The following NCOR2 variants were observed in gnomAD, a reference collection of about 807,000 sequenced individuals.
The protein encoded by NCOR2 is CTG repeat protein 26.
In NCOR2, 81 loss-of-function variants were observed where a neutral mutation model predicts 262.9. The ratio of observed to expected loss-of-function variants is 0.31; its 90% CI spans 0.26 to 0.37. The LOEUF (loss-of-function observed/expected upper bound fraction) is 0.37. NCOR2 is among the 10% of genes least tolerant of loss of function. The pLI is 1.00. For synonymous variants in NCOR2, 1,659 were observed against 1,559.3 expected (o/e 1.06, Z -1.51); for missense variants, 3,385 against 3,621.4 (o/e 0.93, Z 1.68).
Position 124,533,538 on chromosome 12 carries a change from C to T in NCOR2, c.-118+2027G>A, listed in dbSNP as rs369961092. ...GCCTGGTGCTCACCACCAAGAGACCCGCTAAGCGTCGCACTTACTGACTTT... is the reference window on the plus strand; with the variant it reads ...GCCTGGTGCTCACCACCAAGAGACCTGCTAAGCGTCGCACTTACTGACTTT... On this transcript the variant is annotated intron_variant, in intron 1 of 46. Coordinates refer to the NCOR2 transcript ENST00000404621. 3.9e-5 allele frequency among the ~76,000 whole-genome samples: 6 copies of T among 152,220 alleles called. No individual in the cohort carries two copies. The South Asian group carries it at 8.3e-4, about 21-fold the overall frequency.
intron 17 of NCOR2, among the ~76,000 whole-genome samples, chr12:124,381,816 G>A (rs566433774): frequency 3.3e-5 from 5 of 152,326 alleles, no homozygotes; most frequent in African/African-American, 1.2e-4. Context: ...GAGCCCCAGG[G>A]GCCTGAATTC....
At chr12:124,388,326 C>T (rs1475688961) in intron 16 of NCOR2, among the ~76,000 whole-genome samples, 1 of 152,066 alleles carries the variant, frequency 6.6e-6, no homozygotes, top group Non-Finnish European at 1.5e-5. Context: ...TCTGGGAAGC[C>T]CAGGCAGAGG....
upstream of NCOR2, among the ~76,000 whole-genome samples, chr12:124,498,501 C>T (rs974973626): frequency 3.3e-5 from 5 of 152,186 alleles, no homozygotes; most frequent in African/African-American, 1.2e-4. Flanking sequence ...TAACCTCGTG[C>T]CACCCTCACT....
Position 124,344,625 on chromosome 12 carries a change from C to T in NCOR2, c.4686G>A (p.Thr1562=), listed in dbSNP as rs1057059885. 2.7e-6 allele frequency: 4 copies of T among 1,464,140 alleles called. No homozygotes were observed. The South Asian group carries it at 4.2e-5, about 15-fold the overall frequency. 90.7% of individuals were successfully genotyped at this position (1,464,140 alleles called of 1,614,324 possible). A position where few individuals can be genotyped will look rare whatever the true frequency, so the allele number is the denominator to read the frequency against. Residue 1562 remains threonine, a synonymous_variant, in exon 32 of 47, where the codon ACG becomes ACA. Transcript: ENST00000405201. ...CCTGCAGGCGCGGCGTGGGCTCCCG[C>T]GTGGTCACGGGCGAACCTCGTGGGA...
Position 124,471,518 on chromosome 12 carries a change from T to C in NCOR2, c.591+1434A>G, listed in dbSNP as rs140427271. Among the ~76,000 whole-genome samples, 474 of 152,356 alleles carry C rather than the reference T, an allele frequency of 3.1e-3. 4 individuals carry two copies. The highest frequency in any genetic ancestry group is 1.0e-2 in the African/African-American group (415 of 41,596). The stretch of plus-strand genomic sequence containing the variant: ...CCACTGTATAACAAAGCTGGGTCTA[T>C]ATTAATTCAAATAATGATGTCACCA... On this transcript the variant is annotated intron_variant, in intron 4 of 46. Coordinates refer to ENST00000405201, the Ensembl canonical transcript of NCOR2.
intron 3 of NCOR2, among the ~76,000 whole-genome samples, chr12:124,476,817 C>T (rs1028864370): frequency 1.3e-5 from 2 of 151,032 alleles, no homozygotes; most frequent in Non-Finnish European, 2.9e-5. Flanking sequence ...ATGTGAAGGG[C>T]TGGACATGGA....
exon 14 of NCOR2, chr12:124,402,438 GCTTCTCCTCCTC>G: frequency 6.2e-7 from 1 of 1,614,006 alleles, no homozygotes; most frequent in Non-Finnish European, 8.5e-7. Context: ...TCCACCTCCG[GCTTCTCCTCCTC>G]CTTCTCCGCC....
In NCOR2 at chr12:124,503,593, T is replaced by C. The variant is rs539822125; in HGVS notation, c.-117-8225A>G. On this transcript the variant is annotated intron_variant, in intron 1 of 46. Coordinates refer to the NCOR2 transcript ENST00000404621. This position sits in a 1 kb window ranked among gnomAD's most constrained non-coding sequence, Gnocchi z 4.3. ...GATGGAAGACGGACGGATGGACGGA[T>C]GGATGGATGGACGGACGGACGGATG... Among the ~76,000 whole-genome samples the C allele has an allele frequency of 1.4e-5, 2 of 140,222 alleles. No homozygotes were observed. Among genetic ancestry groups the C allele is most frequent in the African/African-American group, 2.8e-5 (1 of 35,932 alleles). 92.0% of individuals were successfully genotyped at this position (140,222 alleles called of 152,430 possible).
exon 38 of NCOR2, chr12:124,336,873 G>C: frequency 6.2e-7 from 1 of 1,610,816 alleles, no homozygotes; most frequent in South Asian, 1.1e-5. Flanking sequence ...TGAGGTGCGA[G>C]GTTCTTCGCA....
rs1444361781 is a variant in NCOR2 at position 124,517,051 on chromosome 12, C to T, written c.-118+18514G>A. ...AGGACAGGAACCCAGGCAGTCTGCCCCGCGTTCCCCCTAAAACTGCAGCTC... is the reference window on the plus strand; with the variant it reads ...AGGACAGGAACCCAGGCAGTCTGCCTCGCGTTCCCCCTAAAACTGCAGCTC... On this transcript the variant is annotated intron_variant, in intron 1 of 46. Transcript: ENST00000404621. This position sits in a 1 kb window ranked among gnomAD's most constrained non-coding sequence, Gnocchi z 7.6. Among the ~76,000 whole-genome samples, 1 of 152,026 alleles carries T rather than the reference C, an allele frequency of 6.6e-6. No homozygotes were observed. The highest frequency in any genetic ancestry group is 1.5e-5 in the Non-Finnish European group (1 of 68,008).
exon 47 of NCOR2, chr12:124,325,376 C>CGG: frequency 1.6e-5 from 7 of 426,492 alleles, no homozygotes; most frequent in African/African-American, 4.2e-5. Flanking sequence ...GACCTGACAC[C>CGG]GCCCCCCCCC....
intron 3 of NCOR2, 84 bp from the exon 6 acceptor site, chr12:124,473,215 A>G: frequency 6.7e-7 from 1 of 1,489,372 alleles, no homozygotes; most frequent in Non-Finnish European, 9.2e-7. Context: ...AATACTGTCA[A>G]CCTGATTGGA....
intron 40 of NCOR2, 184 bp downstream of exon 42, chr12:124,334,951 G>C: frequency 1.2e-6 from 1 of 836,332 alleles, no homozygotes; most frequent in Non-Finnish European, 1.9e-6. Flanking sequence ...GGGCGGTGAT[G>C]GTGCCGGTGC....
chr12:124,474,593 C>G (rs146315852), intron 3 of NCOR2, among the ~76,000 whole-genome samples: 130 of 152,256 alleles, frequency 8.5e-4, no homozygotes, highest in Middle Eastern at 3.4e-3. Flanking sequence ...AAATCCCAGC[C>G]CCCTCTGCCA....
chr12:124,449,601 C>T (rs2045395773), intron 7 of NCOR2, among the ~76,000 whole-genome samples: 1 of 149,946 alleles, frequency 6.7e-6, no homozygotes, highest in Non-Finnish European at 1.5e-5. Context: ...CCCAGCCTGT[C>T]TCCCAAAACC....
rs549550858 is a variant in NCOR2, at chr12:124,382,957, C to T, written c.2019+2788G>A. ...AGTATCCTTGGACCCAGTCACTAAG[C>T]GGCAGAGCTGGGGTACAAAGCCACC... On this transcript the variant is annotated intron_variant, in intron 17 of 46. Coordinates refer to ENST00000405201, the Ensembl canonical transcript of NCOR2. Among the ~76,000 whole-genome samples the T allele has an allele frequency of 3.9e-5, 6 of 152,300 alleles. No homozygotes were observed. The South Asian group carries it at 1.2e-3, about 32-fold the overall frequency.
chr12:124,427,460 C>A (rs1389801349), intron 10 of NCOR2, among the ~76,000 whole-genome samples: 2 of 152,224 alleles, frequency 1.3e-5, no homozygotes, highest in South Asian at 2.1e-4. Flanking sequence ...AATCTCGCAG[C>A]CAGCCAATTA....
intron 32 of NCOR2, 96 bp downstream of exon 34, chr12:124,344,501 A>T (rs2036756227): frequency 1.7e-6 from 2 of 1,159,188 alleles, no homozygotes; most frequent in African/African-American, 3.1e-5. Flanking sequence ...GGTGGCGAGG[A>T]TATCCCAGGT....
At chr12:124,442,286 G>A (rs2136448002) in intron 7 of NCOR2, among the ~76,000 whole-genome samples, 1 of 152,280 alleles carries the variant, frequency 6.6e-6, no homozygotes. Context: ...TGGAACTACA[G>A]GTACATGCCA....
Sources: gnomAD v4.1 joint callset for allele counts (sites outside exome capture counted in the v4.1 genomes callset) on GRCh38, gnomAD v4.1.1 for gene constraint, Gnocchi (gnomAD v3.1) non-coding constraint, MANE v1.5 for transcripts, NCBI Gene and HGNC (gene_info 2026-07-23, HGNC 2026-07-21) for gene names.